PCCA: variants seen among roughly 807,000 people sequenced by gnomAD.
PCCA encodes propionyl-CoA carboxylase alpha chain, mitochondrial.
Under a neutral mutation model 101.3 loss-of-function variants are expected in PCCA, and 74 were observed. The ratio of observed to expected loss-of-function variants is 0.73; its 90% CI spans 0.61 to 0.89. The LOEUF is 0.89. PCCA is among the 40% of genes least tolerant of loss of function. The pLI is 0.00. For synonymous variants in PCCA, 294 were observed against 313.6 expected (o/e 0.94, Z 0.66); for missense variants, 891 against 907.0 (o/e 0.98, Z 0.23).
chr13:100,218,130 A>G (rs912906618), intron 7 of PCCA, among the ~76,000 whole-genome samples: 1 of 151,660 alleles, frequency 6.6e-6, no homozygotes, highest in Admixed American at 6.6e-5. Context: ...CATTTTGACC[A>G]TTGCAATTAG....
At chr13:100,486,653 C>T (rs905455501) in intron 21 of PCCA, among the ~76,000 whole-genome samples, 6 of 152,180 alleles carry the variant, frequency 3.9e-5, no homozygotes, top group Admixed American at 3.3e-4. Context: ...TGGCTTATGC[C>T]TATAATCCCA....
At chr13:100,287,229 G>A (rs2064748186) in intron 12 of PCCA, among the ~76,000 whole-genome samples, 1 of 150,808 alleles carries the variant, frequency 6.6e-6, no homozygotes, top group African/African-American at 2.4e-5. Flanking sequence ...CACTGGTTTA[G>A]GTATTATAGC....
At chr13:100,454,164 G>A (rs537797572) in intron 21 of PCCA, among the ~76,000 whole-genome samples, 64 of 151,344 alleles carry the variant, frequency 4.2e-4, no homozygotes, top group Admixed American at 1.5e-3. Context: ...GTGAGCCACC[G>A]CACCTGGCCA....
At chr13:100,253,363 G>C (rs2061877255) in intron 8 of PCCA, among the ~76,000 whole-genome samples, 2 of 152,228 alleles carry the variant, frequency 1.3e-5, no homozygotes, top group South Asian at 4.2e-4. Flanking sequence ...TGAATCGTTG[G>C]CCTTTGTAGC....
intron 18 of PCCA, among the ~76,000 whole-genome samples, chr13:100,348,610 A>T (rs1222346851): frequency 2.0e-5 from 3 of 152,222 alleles, no homozygotes; most frequent in Non-Finnish European, 4.4e-5. Context: ...AAGAAAAAAT[A>T]GTAAAGGTAA....
intron 6 of PCCA, among the ~76,000 whole-genome samples, chr13:100,197,952 AG>A (rs1252366054): frequency 3.9e-5 from 6 of 152,256 alleles, no homozygotes; most frequent in African/African-American, 1.4e-4. Context: ...TAGGAGTACC[AG>A]AAATGGCCTT....
At position 100,355,785 on chromosome 13, in the gene PCCA, C is replaced by G. The variant is rs368939202; in HGVS notation, c.1644-12687C>G. Among the ~76,000 whole-genome samples, 21 of 152,210 alleles carry G rather than the reference C, an allele frequency of 1.4e-4. No homozygotes were observed. The East Asian group carries it at 3.7e-3, about 27-fold the overall frequency. On this transcript the variant is annotated intron_variant, in intron 18 of 23. Transcript: ENST00000376285. Reference sequence around the variant, plus strand: ...GCATTATTTTTGGAAAAATAGACATCTGATTCCAAAATTCATATGAAAATG... The same window carrying G: ...GCATTATTTTTGGAAAAATAGACATGTGATTCCAAAATTCATATGAAAATG...
intron 21 of PCCA, among the ~76,000 whole-genome samples, chr13:100,513,839 G>GT (rs2086647605): frequency 6.6e-6 from 1 of 152,192 alleles, no homozygotes; most frequent in Non-Finnish European, 1.5e-5. Flanking sequence ...AACTAGAAAA[G>GT]TAACTTTTTT....
At chr13:100,515,679 A>ACC in intron 22 of PCCA, 112 bp downstream of exon 22, 1 of 1,327,800 alleles carries the variant, frequency 7.5e-7, no homozygotes. Flanking sequence ...TACTTAACCG[A>ACC]CGCCCCCTAA....
chr13:100,217,650 C>T (rs550462376), intron 7 of PCCA, among the ~76,000 whole-genome samples: 6 of 151,286 alleles, frequency 4.0e-5, no homozygotes, highest in East Asian at 1.9e-4. Flanking sequence ...GTCAGGAGTT[C>T]AAGACCAGCC....
In PCCA at chr13:100,515,428, A is replaced by T; in HGVS notation, c.1901A>T (p.Tyr634Phe). 6.2e-7 allele frequency: 1 copy of T among 1,614,008 alleles called. No individual in the cohort carries two copies. Among genetic ancestry groups the T allele is most frequent in the African/African-American group, 1.3e-5 (1 of 75,058 alleles). Residue 634 changes from tyrosine to phenylalanine, a missense_variant and splice_region_variant, in exon 22 of 24, where the codon TAC (tyrosine) becomes TTC (phenylalanine). Physicochemically the swap from Tyr to Phe is conservative, Grantham distance 22. Transcript: ENST00000376285. ...NMSIQFLGTV[Y>F]KVNILTRLAA... ...GTTTGGTTTTGTTTTTCCCTTAAGT[A>T]CAAGGTGAATATCTTAACCAGACTT...
At chr13:100,239,387 A>G (rs556281772) in intron 8 of PCCA, among the ~76,000 whole-genome samples, 2 of 152,270 alleles carry the variant, frequency 1.3e-5, no homozygotes, top group South Asian at 2.1e-4. Context: ...TTGAGCGACT[A>G]CTTTGTGTAA....
chr13:100,340,848 T>G (rs980449290), intron 18 of PCCA, among the ~76,000 whole-genome samples: 2 of 152,226 alleles, frequency 1.3e-5, no homozygotes, highest in African/African-American at 4.8e-5. Context: ...GAGCAATCCC[T>G]TTAAAGGAAT....
chr13:100,499,838 A>C (rs2085542623), intron 21 of PCCA, among the ~76,000 whole-genome samples: 1 of 152,222 alleles, frequency 6.6e-6, no homozygotes, highest in South Asian at 2.1e-4. Flanking sequence ...CAAAGGAAAA[A>C]ATATTTCTTG....
At chr13:100,178,938 G>A (rs375113106) in intron 6 of PCCA, among the ~76,000 whole-genome samples, 1 of 151,584 alleles carries the variant, frequency 6.6e-6, no homozygotes, top group Non-Finnish European at 1.5e-5. Flanking sequence ...TTAGCTGGGC[G>A]TGGTGGCAGG....
chr13:100,259,743 G>A (rs1258376810), intron 9 of PCCA, among the ~76,000 whole-genome samples: 9 of 152,126 alleles, frequency 5.9e-5, no homozygotes, highest in African/African-American at 9.7e-5. Context: ...TAAATGAAGC[G>A]TATGGCATGA....
intron 1 of PCCA, among the ~76,000 whole-genome samples, chr13:100,098,748 A>G (rs1291980963): frequency 2.0e-5 from 3 of 152,180 alleles, no homozygotes; most frequent in Non-Finnish European, 4.4e-5. Context: ...CTTAGTACAG[A>G]GGCAGAGCCC....
intron 17 of PCCA, among the ~76,000 whole-genome samples, chr13:100,333,240 G>A (rs2069916105): frequency 6.6e-6 from 1 of 151,950 alleles, no homozygotes; most frequent in East Asian, 1.9e-4. Context: ...ATCGTCTTTT[G>A]ACTGTTTGAT....
chr13:100,471,360 G>C (rs1022361434), intron 21 of PCCA, among the ~76,000 whole-genome samples: 3 of 152,134 alleles, frequency 2.0e-5, no homozygotes, highest in African/African-American at 7.2e-5. Flanking sequence ...CGACGAAAAT[G>C]GGTTTCCTAA....
Sources: allele counts gnomAD v4.1 joint callset (sites outside exome capture counted in the v4.1 genomes callset), GRCh38; gene constraint gnomAD v4.1.1; transcripts MANE v1.5; gene names NCBI Gene and HGNC (gene_info 2026-07-23, HGNC 2026-07-21).